The following UBE2E2 variants were observed in gnomAD, a reference collection of about 807,000 sequenced individuals.
UBE2E2 encodes ubiquitin conjugating enzyme E2 E2, also known as ubiquitin-conjugating enzyme E2 E2.
UBE2E2 carries 6 observed loss-of-function variants against 24.7 expected under a neutral mutation model. That is an observed-to-expected ratio of 0.24 (90% CI 0.13 to 0.48). The LOEUF (loss-of-function observed/expected upper bound fraction) is 0.48, where lower values mean the gene tolerates loss of function less well. UBE2E2 is among the 20% of genes least tolerant of loss of function. UBE2E2 has a pLI of 0.99. For missense variants in UBE2E2, 169 were observed against 245.0 expected (o/e 0.69, Z 2.07); for synonymous variants, 104 against 83.6 (o/e 1.24, Z -1.33).
chr3:23,225,966 G>T (rs1056885044), intron 3 of UBE2E2, among the ~76,000 whole-genome samples: 1 of 151,642 alleles, frequency 6.6e-6, no homozygotes, highest in Admixed American at 6.6e-5. Context: ...TGCAACCTCC[G>T]CCTCCCAGGT....
In UBE2E2 at chr3:23,568,825, A is replaced by G. The variant is rs781074839; in HGVS notation, c.509-20909A>G. Among the ~76,000 whole-genome samples the G allele has an allele frequency of 8.6e-5, 13 of 151,624 alleles. No homozygotes were observed. In the East Asian group the frequency reaches 2.5e-3, roughly 29 times the overall value. ...CAGAATAAGCTATTCTTTAAAATCT[A>G]GTATCCACAGATAATAACAAGTATT... is the stretch of plus-strand genomic sequence containing the variant. On this transcript the variant is annotated intron_variant, in intron 5 of 5. Coordinates refer to ENST00000396703, the MANE Select transcript of UBE2E2 (RefSeq NM_152653.4).
At chr3:23,403,117 TAAA>T (rs1159539716) in intron 3 of UBE2E2, among the ~76,000 whole-genome samples, 2 of 152,180 alleles carry the variant, frequency 1.3e-5, no homozygotes, top group South Asian at 2.1e-4. Flanking sequence ...TAACAAAAGA[TAAA>T]AAAGACTAGT....
At chr3:23,386,910 T>G (rs1013264718) in intron 3 of UBE2E2, among the ~76,000 whole-genome samples, 1 of 152,214 alleles carries the variant, frequency 6.6e-6, no homozygotes, top group Non-Finnish European at 1.5e-5. Context: ...GATCAGAAAA[T>G]ACAATTCCTG....
At chr3:23,531,067 T>C (rs1048608328) in intron 4 of UBE2E2, among the ~76,000 whole-genome samples, 13 of 152,216 alleles carry the variant, frequency 8.5e-5, no homozygotes, top group Non-Finnish European at 1.5e-4. Context: ...TCTGGCATGA[T>C]GCTAGAAGGG....
chr3:23,318,665 G>C (rs903800100), intron 3 of UBE2E2, among the ~76,000 whole-genome samples: 3 of 152,102 alleles, frequency 2.0e-5, no homozygotes, highest in Admixed American at 6.5e-5. Flanking sequence ...CATCAGATCT[G>C]GTGAGACTTT....
intron 3 of UBE2E2, among the ~76,000 whole-genome samples, chr3:23,480,754 T>C (rs1575657932): frequency 6.6e-6 from 1 of 152,244 alleles, no homozygotes; most frequent in East Asian, 1.9e-4. Flanking sequence ...TTCCTAACTT[T>C]CCAGTAACTG....
At chr3:23,466,550 G>GTTTTGTTTTTGT (rs143269925) in intron 3 of UBE2E2, among the ~76,000 whole-genome samples, 4 of 151,494 alleles carry the variant, frequency 2.6e-5, no homozygotes, top group South Asian at 2.1e-4. Flanking sequence ...CCCAGAGTCT[G>GTTTTGTTTTTGT]TTTTGTTTTT....
At chr3:23,371,394 A>T (rs916790469) in intron 3 of UBE2E2, among the ~76,000 whole-genome samples, 4 of 152,270 alleles carry the variant, frequency 2.6e-5, no homozygotes, top group Non-Finnish European at 2.9e-5. Flanking sequence ...AGCATTGTGG[A>T]TATTTTATGT....
At chr3:23,469,282 T>C (rs1262946432) in intron 3 of UBE2E2, among the ~76,000 whole-genome samples, 3 of 152,198 alleles carry the variant, frequency 2.0e-5, no homozygotes, top group Non-Finnish European at 4.4e-5. Context: ...ACAAACATTC[T>C]ATCCATAACA....
At chr3:23,516,056 T>C (rs1466221867) in intron 4 of UBE2E2, among the ~76,000 whole-genome samples, 18 of 152,186 alleles carry the variant, frequency 1.2e-4, no homozygotes. Context: ...CCAAAAAAGA[T>C]GTTGAAGTAC....
chr3:23,292,101 G>T (rs530398296), intron 3 of UBE2E2, among the ~76,000 whole-genome samples: 1 of 151,774 alleles, frequency 6.6e-6, no homozygotes, highest in Admixed American at 6.6e-5. Flanking sequence ...CTCGTGATTC[G>T]CTCACCTTGG....
chr3:23,586,851 T>C (rs1010750424), intron 5 of UBE2E2, among the ~76,000 whole-genome samples: 1 of 152,018 alleles, frequency 6.6e-6, no homozygotes, highest in African/African-American at 2.4e-5. Context: ...ACCATATCGG[T>C]ATAAAAATCA....
chr3:23,439,299 A>G (rs2125406516), intron 3 of UBE2E2, among the ~76,000 whole-genome samples: 1 of 152,366 alleles, frequency 6.6e-6, no homozygotes, highest in East Asian at 1.9e-4. Context: ...CTGACTGGCC[A>G]TCACATAGGG....
At chr3:23,301,301 G>A (rs550713695) in intron 3 of UBE2E2, among the ~76,000 whole-genome samples, 94 of 152,206 alleles carry the variant, frequency 6.2e-4, no homozygotes, top group Non-Finnish European at 9.0e-4. Flanking sequence ...GTCATTCTCC[G>A]TCCAGCTTTG....
chr3:23,504,229 A>G (rs1170557213), intron 4 of UBE2E2, among the ~76,000 whole-genome samples: 1 of 152,206 alleles, frequency 6.6e-6, no homozygotes, highest in East Asian at 1.9e-4. Flanking sequence ...TTATATTTTC[A>G]TCCCGTGCCA....
chr3:23,348,379 C>T (rs564110695), intron 3 of UBE2E2, among the ~76,000 whole-genome samples: 3 of 146,248 alleles, frequency 2.1e-5, no homozygotes, highest in African/African-American at 7.4e-5. Flanking sequence ...AGTCCATAGG[C>T]TAAAGCTTAT....
chr3:23,494,437 A>G (rs1995175), intron 3 of UBE2E2, among the ~76,000 whole-genome samples: 41,589 of 152,072 alleles, frequency 0.27, 5,888 homozygotes, highest in African/African-American at 0.35. Context: ...TTTCTTTTGC[A>G]TTAAGTCTTC....
intron 5 of UBE2E2, among the ~76,000 whole-genome samples, chr3:23,574,871 G>C (rs1034596312): frequency 4.0e-4 from 61 of 152,284 alleles, no homozygotes; most frequent in African/African-American, 1.4e-3. Context: ...GCTGTTGCTT[G>C]TTACCAAGTC....
chr3:23,273,037 G>C (rs1336424464), intron 3 of UBE2E2, among the ~76,000 whole-genome samples: 1 of 152,074 alleles, frequency 6.6e-6, no homozygotes, highest in Non-Finnish European at 1.5e-5. Context: ...TTCCAATTCA[G>C]CTGTTTATCT....
Sources: allele counts gnomAD v4.1 joint callset (sites outside exome capture counted in the v4.1 genomes callset), GRCh38; gene constraint gnomAD v4.1.1; transcripts MANE v1.5; gene names NCBI Gene and HGNC (gene_info 2026-07-23, HGNC 2026-07-21).